EGFLAM: variants seen among roughly 807,000 people sequenced by gnomAD.
EGFLAM encodes EGF like, fibronectin type III and laminin G domains.
EGFLAM carries 79 observed loss-of-function variants against 113.1 expected under a neutral mutation model. The observed-to-expected ratio is 0.70, with a 90% confidence interval of 0.58 to 0.84. The LOEUF is 0.84. Ranked by LOEUF, EGFLAM falls within the 40% of genes least tolerant of loss-of-function variation. The pLI is 0.00. For missense variants in EGFLAM, 1,265 were observed against 1,291.6 expected, an observed-to-expected ratio of 0.98 and a Z score of 0.32; for synonymous variants, 504 against 487.6, an observed-to-expected ratio of 1.03 and a Z score of -0.44.
At chr5:38,431,684 C>G (rs897716362) in intron 15 of EGFLAM, among the ~76,000 whole-genome samples, 2 of 152,174 alleles carry the variant, frequency 1.3e-5, no homozygotes, top group Non-Finnish European at 2.9e-5. Context: ...TAAGTCCAGA[C>G]TCCTGGGGCT....
chr5:38,427,578 A>G (rs2030548808), intron 14 of EGFLAM, among the ~76,000 whole-genome samples: 1 of 152,234 alleles, frequency 6.6e-6, no homozygotes, highest in African/African-American at 2.4e-5. Context: ...TCATCCGCAG[A>G]AACTTGATGA....
intron 1 of EGFLAM, among the ~76,000 whole-genome samples, chr5:38,336,236 T>C (rs542476339): frequency 1.3e-5 from 2 of 152,320 alleles, no homozygotes; most frequent in South Asian, 4.1e-4. Flanking sequence ...TTAACATGTA[T>C]GTATATATAC....
At chr5:38,377,184 C>T (rs2589778) in intron 6 of EGFLAM, among the ~76,000 whole-genome samples, 13,124 of 151,196 alleles carry the variant, frequency 0.087, 589 homozygotes, top group South Asian at 0.13. Flanking sequence ...TGCAGTCGTG[C>T]GATCTCAGTT....
At chr5:38,268,444 G>A (rs1489990448) in intron 1 of EGFLAM, among the ~76,000 whole-genome samples, 3 of 152,112 alleles carry the variant, frequency 2.0e-5, no homozygotes, top group Non-Finnish European at 4.4e-5. Context: ...ATATGGTCAT[G>A]TTGCCCTAAC....
At chr5:38,384,394 G>A (rs547187501) in intron 6 of EGFLAM, among the ~76,000 whole-genome samples, 46 of 152,250 alleles carry the variant, frequency 3.0e-4, no homozygotes, top group South Asian at 1.2e-3. Flanking sequence ...ACTTACATGC[G>A]TGGTTACACC....
intron 3 of EGFLAM, among the ~76,000 whole-genome samples, chr5:38,343,916 C>G (rs1330422263): frequency 3.9e-5 from 6 of 152,182 alleles, no homozygotes; most frequent in Non-Finnish European, 7.3e-5. Flanking sequence ...TCCCCAAGAC[C>G]ACACAGCTAG....
chr5:38,260,200 G>A (rs369246155), intron 1 of EGFLAM, among the ~76,000 whole-genome samples: 1 of 152,032 alleles, frequency 6.6e-6, no homozygotes, highest in East Asian at 1.9e-4. Flanking sequence ...TTCAGTGAAG[G>A]GCTTCTTTCT....
chr5:38,426,960 G>C, intron 13 of EGFLAM, 49 bp from the exon 14 acceptor site: 1 of 1,602,076 alleles, frequency 6.2e-7, no homozygotes, highest in Admixed American at 1.7e-5. Context: ...TGCACATCTG[G>C]CCAGTTTCTG....
intron 1 of EGFLAM, among the ~76,000 whole-genome samples, chr5:38,333,169 T>C (rs938816987): frequency 1.3e-5 from 2 of 152,226 alleles, no homozygotes; most frequent in Admixed American, 6.5e-5. Flanking sequence ...CCATGGTGTA[T>C]AGGTACCACA....
At chr5:38,349,312 G>T (rs533890700) in intron 3 of EGFLAM, among the ~76,000 whole-genome samples, 2 of 152,292 alleles carry the variant, frequency 1.3e-5, no homozygotes, top group East Asian at 3.9e-4. Context: ...GGTGTCAAAG[G>T]GAGGGCTTGG....
In EGFLAM at chr5:38,282,030, G is replaced by A. The variant is rs186222291; in HGVS notation, c.97+23179G>A. 5.9e-4 allele frequency among the ~76,000 whole-genome samples: 90 copies of A among 152,258 alleles called. No homozygotes were observed. In the East Asian group the frequency reaches 0.017, roughly 28 times the overall value. On this transcript the variant is annotated intron_variant, in intron 1 of 21. Coordinates refer to ENST00000322350, the MANE Select transcript of EGFLAM (RefSeq NM_152403.4). ...TTAGTGAGTTTTACCTAAAGGGAAA[G>A]ATCACTGTAAGCTTAGATTCTTTCC...
chr5:38,340,671 G>T (rs1346254914), intron 3 of EGFLAM, among the ~76,000 whole-genome samples: 2 of 152,194 alleles, frequency 1.3e-5, no homozygotes, highest in Non-Finnish European at 2.9e-5. Flanking sequence ...AAATGGTCAA[G>T]AGGTGAAAGT....
At chr5:38,373,161 C>T (rs1740268008) in intron 6 of EGFLAM, among the ~76,000 whole-genome samples, 1 of 152,188 alleles carries the variant, frequency 6.6e-6, no homozygotes, top group African/African-American at 2.4e-5. Flanking sequence ...CTACAAAACC[C>T]ATTTAATCCT....
In EGFLAM at chr5:38,423,423, A is replaced by G. The variant is rs142574505; in HGVS notation, c.1685-1544A>G. Among the ~76,000 whole-genome samples the G allele has an allele frequency of 1.5e-3, 222 of 152,260 alleles. 1 individual carries two copies. Among genetic ancestry groups the G allele is most frequent in the African/African-American group, 5.0e-3 (208 of 41,550 alleles). ...AAGTCAGCAACTCCATCTGGCTTTC[A>G]TGACCTCCCCTCCCCTACCCCCACC... On this transcript the variant is annotated intron_variant, in intron 12 of 21. Transcript: ENST00000322350.
intron 10 of EGFLAM, among the ~76,000 whole-genome samples, chr5:38,409,442 T>C (rs1172001627): frequency 6.6e-6 from 1 of 151,886 alleles, no homozygotes; most frequent in African/African-American, 2.4e-5. Flanking sequence ...CAGGTGCTGT[T>C]GAATGTACCT....
At chr5:38,396,450 C>T (rs1740964924) in intron 6 of EGFLAM, among the ~76,000 whole-genome samples, 1 of 152,180 alleles carries the variant, frequency 6.6e-6, no homozygotes, top group Non-Finnish European at 1.5e-5. Context: ...GGTCTTTCAA[C>T]TAACATTTAT....
chr5:38,455,801 G>T (rs1490718952), intron 19 of EGFLAM, among the ~76,000 whole-genome samples: 3 of 152,192 alleles, frequency 2.0e-5, no homozygotes, highest in African/African-American at 7.2e-5. Flanking sequence ...GCCTGAACAG[G>T]AGAGTTGTCG....
Position 38,337,613 on chromosome 5 carries a change from C to T in EGFLAM, c.191C>T (p.Pro64Leu), listed in dbSNP as rs755361364. Residue 64 changes from proline to leucine, a missense_variant, in exon 2 of 22, where the codon CCC (proline) becomes CTC (leucine). Physicochemically the swap from Pro to Leu is moderately conservative, Grantham distance 98 (BLOSUM62 -3). Transcript: ENST00000322350. Reference protein sequence around the residue: ...QWKMPRHPGSPILGYTVFYSE... With the variant: ...QWKMPRHPGSLILGYTVFYSE... ...AAAATGCCAAGGCATCCTGGAAGTC[C>T]CATCCTTGGGTACACTGTGAGTACA... is the stretch of plus-strand genomic sequence containing the variant. The T allele has an allele frequency of 2.5e-6, 4 of 1,601,534 alleles. No individual in the cohort carries two copies. The highest frequency in any genetic ancestry group is 4.5e-5 in the East Asian group (2 of 44,596).
chr5:38,298,048 C>CT (rs1758487688), intron 1 of EGFLAM, among the ~76,000 whole-genome samples: 1 of 151,836 alleles, frequency 6.6e-6, no homozygotes, highest in Non-Finnish European at 1.5e-5. Context: ...TTGGAGAAAA[C>CT]TGAAGACTTC....
Sources: gnomAD v4.1 joint callset for allele counts (sites outside exome capture counted in the v4.1 genomes callset) on GRCh38, gnomAD v4.1.1 for gene constraint, MANE v1.5 for transcripts, NCBI Gene and HGNC (gene_info 2026-07-23, HGNC 2026-07-21) for gene names.